The following SMAD3 variants were observed in gnomAD, a reference collection of about 807,000 sequenced individuals.
SMAD3 encodes MAD homolog 3.
Under a neutral mutation model 51.8 loss-of-function variants are expected in SMAD3, and 12 were observed. That is an observed-to-expected ratio of 0.23 (90% CI 0.15 to 0.38). SMAD3 has a LOEUF of 0.38. Ranked by LOEUF, SMAD3 falls within the 10% of genes least tolerant of loss-of-function variation. The probability of loss-of-function intolerance (pLI) is 1.00; values close to 1 mark genes in which losing one functional copy is unlikely to be tolerated. For synonymous variants in SMAD3, 238 were observed against 227.7 expected (o/e 1.05, Z -0.41); for missense variants, 294 against 565.6 (o/e 0.52, Z 4.87).
intron 1 of SMAD3, among the ~76,000 whole-genome samples, chr15:67,148,011 G>A (rs1048612299): frequency 2.0e-5 from 3 of 152,084 alleles, no homozygotes; most frequent in African/African-American, 7.2e-5. Context: ...AGGAATTTTT[G>A]TTGGTAGTCC....
intron 1 of SMAD3, among the ~76,000 whole-genome samples, chr15:67,153,674 G>A (rs1231711617): frequency 6.6e-6 from 1 of 152,186 alleles, no homozygotes; most frequent in Non-Finnish European, 1.5e-5. Flanking sequence ...CCGGCATCCA[G>A]TGTGAGGGAG....
intron 1 of SMAD3, among the ~76,000 whole-genome samples, chr15:67,108,557 C>A (rs2140231653): frequency 6.6e-6 from 1 of 152,340 alleles, no homozygotes. Context: ...CTGAGCATGC[C>A]TAGGTCTGAC....
intron 1 of SMAD3, among the ~76,000 whole-genome samples, chr15:67,121,128 G>A (rs545295265): frequency 6.6e-6 from 1 of 152,320 alleles, no homozygotes; most frequent in Non-Finnish European, 1.5e-5. Flanking sequence ...GCAGAGAGGC[G>A]GGAGGCCTGT....
chr15:67,130,224 C>CT (rs968754047), intron 1 of SMAD3, among the ~76,000 whole-genome samples: 1 of 152,242 alleles, frequency 6.6e-6, no homozygotes, highest in African/African-American at 2.4e-5. Context: ...GGCCCAGCAA[C>CT]TTACCCAAGG....
At chr15:67,158,812 C>A (rs1962350455) in intron 1 of SMAD3, among the ~76,000 whole-genome samples, 1 of 152,150 alleles carries the variant, frequency 6.6e-6, no homozygotes, top group African/African-American at 2.4e-5. Flanking sequence ...GACTGTGCAC[C>A]CAGATGGCCA....
At chr15:67,104,274 G>A (rs1487664331) in intron 1 of SMAD3, among the ~76,000 whole-genome samples, 1 of 152,210 alleles carries the variant, frequency 6.6e-6, no homozygotes, top group Non-Finnish European at 1.5e-5. Flanking sequence ...TTGAATGAAT[G>A]AATGCCTTCC....
chr15:67,113,188 A>G lies in SMAD3; in HGVS notation c.206+46828A>G, dbSNP rs1385263653. 2.4e-5 allele frequency among the ~76,000 whole-genome samples: 3 copies of G among 124,358 alleles called. 1 individual carries two copies. Among genetic ancestry groups the G allele is most frequent in the African/African-American group, 9.7e-5 (3 of 31,026 alleles). The allele number at this position is 124,358 out of a possible 152,430, so 81.6% of individuals were successfully genotyped here. On this transcript the variant is annotated intron_variant, in intron 1 of 8. Coordinates refer to ENST00000327367, the MANE Select transcript of SMAD3 (RefSeq NM_005902.4). ...AAACTCTGCCTCCCGGGTTCACGTC[A>G]TTCTCCTGCCTCAGCAGCCTCCCGA...
rs1355148861 is a variant in SMAD3, at chr15:67,121,113, C to G, written c.207-43782C>G. Reference sequence around the variant, plus strand: ...ATATGTAAGAATGTGTACTTCTTAGCCTTTGCAGAGAGGCGGGAGGCCTGT... The same window carrying G: ...ATATGTAAGAATGTGTACTTCTTAGGCTTTGCAGAGAGGCGGGAGGCCTGT... On this transcript the variant is annotated intron_variant, in intron 1 of 8. Coordinates refer to ENST00000327367, the MANE Select transcript of SMAD3 (RefSeq NM_005902.4). Among the ~76,000 whole-genome samples the G allele has an allele frequency of 2.0e-5, 3 of 152,208 alleles. No homozygotes were observed. In the East Asian group the frequency reaches 5.8e-4, roughly 29 times the overall value.
At chr15:67,112,600 T>A (rs777748427) in intron 1 of SMAD3, among the ~76,000 whole-genome samples, 3 of 134,526 alleles carry the variant, frequency 2.2e-5, no homozygotes, top group Non-Finnish European at 4.6e-5. Context: ...TGGGTTGTTT[T>A]TTCACTCTCT....
At chr15:67,130,091 A>T (rs960970495) in intron 1 of SMAD3, among the ~76,000 whole-genome samples, 1 of 152,202 alleles carries the variant, frequency 6.6e-6, no homozygotes, top group South Asian at 2.1e-4. Context: ...CTGAATGTCT[A>T]CTATGTCCCA....
chr15:67,068,467 G>A (rs1182718188), intron 1 of SMAD3, among the ~76,000 whole-genome samples: 1 of 152,098 alleles, frequency 6.6e-6, no homozygotes, highest in Non-Finnish European at 1.5e-5. Flanking sequence ...CATACCTTTG[G>A]CCTGCCTTTT....
chr15:67,084,404 C>T (rs1305266040), intron 1 of SMAD3, among the ~76,000 whole-genome samples: 1 of 152,028 alleles, frequency 6.6e-6, no homozygotes, highest in East Asian at 1.9e-4. Context: ...CATGATAGCC[C>T]TCTGAACTCT....
At chr15:67,117,997 C>CA (rs1961174066) in intron 1 of SMAD3, among the ~76,000 whole-genome samples, 1 of 152,220 alleles carries the variant, frequency 6.6e-6, no homozygotes, top group Admixed American at 6.5e-5. Context: ...GAGGCTAAGA[C>CA]AGGAGAATTG....
Position 67,170,582 on chromosome 15 carries a change from G to A in SMAD3, c.636G>A (p.Met212Ile), listed in dbSNP as rs202094530. 1.3e-4 allele frequency: 216 copies of A among 1,613,876 alleles called. No homozygotes were observed. The highest frequency in any genetic ancestry group is 2.5e-5 in the Non-Finnish European group (29 of 1,179,902). ...CTCCAAACCTATCCCCGAATCCGAT[G>A]TCCCCAGCACATAATAACTTGGGTG... ...AGSPNLSPNP[M>I]SPAHNNLDLQ... The change falls in exon 5 of 9, where the codon ATG becomes ATA. Residue 212 changes from methionine to isoleucine, a missense_variant. Transcript: ENST00000327367.
chr15:67,092,921 A>C lies in SMAD3; in HGVS notation c.206+26561A>C, dbSNP rs563635584. ...TGTGGCAATAACAGCCAGCTTCTGC[A>C]TCATGGAAAATGGCCCCCATGCCCA... On this transcript the variant is annotated intron_variant, in intron 1 of 8. Transcript: ENST00000327367. Among the ~76,000 whole-genome samples, 130 of 152,328 alleles carry C rather than the reference A, an allele frequency of 8.5e-4. 2 individuals carry two copies. The highest frequency in any genetic ancestry group is 2.9e-3 in the African/African-American group (122 of 41,572).
chr15:67,079,029 A>G (rs1057439627), intron 1 of SMAD3, among the ~76,000 whole-genome samples: 1 of 151,108 alleles, frequency 6.6e-6, no homozygotes, highest in Non-Finnish European at 1.5e-5. Flanking sequence ...CCCAGGCTGG[A>G]GTGCAAAGGC....
chr15:67,187,601 C>A, intron 8 of SMAD3, 92 bp downstream of exon 8: 1 of 1,503,540 alleles, frequency 6.7e-7, no homozygotes. Flanking sequence ...TGAGCTAGGC[C>A]AGCCCTAGCG....
intron 1 of SMAD3, 75 bp downstream of exon 1, chr15:67,066,435 G>T: frequency 8.3e-7 from 1 of 1,201,874 alleles, no homozygotes; most frequent in South Asian, 1.3e-5. Context: ...ACCCAGTGGG[G>T]CTGGAGATGG....
At chr15:67,186,851 C>T (rs1248105603) in intron 7 of SMAD3, 3 of 350,724 alleles carry the variant, frequency 8.6e-6, no homozygotes, top group Non-Finnish European at 1.7e-5. Flanking sequence ...GCCAAGCTTC[C>T]TGTGGGGACG....
Sources: allele counts gnomAD v4.1 joint callset (sites outside exome capture counted in the v4.1 genomes callset), GRCh38; gene constraint gnomAD v4.1.1; transcripts MANE v1.5; gene names NCBI Gene and HGNC (gene_info 2026-07-23, HGNC 2026-07-21).